The following KMT2C variants were observed in gnomAD, a reference collection of about 807,000 sequenced individuals.
KMT2C encodes the protein histone-lysine N-methyltransferase 2C.
A neutral mutation model predicts 507.9 loss-of-function variants in KMT2C; 88 were observed. The observed-to-expected ratio is 0.17, with a 90% CI of 0.15 to 0.21. The LOEUF is 0.21. Among genes scored for constraint, KMT2C ranks in the 10% least tolerant of loss-of-function variants. KMT2C has a pLI of 1.00. For synonymous variants in KMT2C, 2,049 were observed against 2,080.8 expected (o/e 0.98, Z 0.42); for missense variants, 4,954 against 5,957.8 (o/e 0.83, Z 5.55).
chr7:152,135,099 T>A lies in KMT2C; in HGVS notation c.*1733A>T, dbSNP rs896605459. 5.3e-5 allele frequency: 12 copies of A among 227,574 alleles called. No homozygotes were observed. The highest frequency in any genetic ancestry group is 8.7e-5 in the Non-Finnish European group (10 of 114,456). 14.1% of individuals were successfully genotyped at this position (227,574 alleles called of 1,614,324 possible). A position where few individuals can be genotyped will look rare whatever the true frequency, so the allele number is the denominator to read the frequency against. On this transcript the variant is annotated 3_prime_UTR_variant, in exon 59 of 59. Transcript: ENST00000262189. ...CGGTAGGACAAATACTGGTAGGATG[T>A]CAGGATATTGTACAAGAGAAGAAAA...
intron 56 of KMT2C, 104 bp downstream of exon 56, chr7:152,139,571 G>A: frequency 1.3e-6 from 1 of 783,820 alleles, no homozygotes; most frequent in Non-Finnish European, 2.2e-6. Flanking sequence ...AAAGCTGAAT[G>A]CAGCATGACA....
At position 152,248,370 on chromosome 7, in the gene KMT2C, G is replaced by A. The variant is rs1478270368; in HGVS notation, c.2064C>T (p.Val688=). ...CTAGTGGAAGAGTGACAGATTCCAT[G>A]ACTAATTTTGGAGGCCTTGATTCTT... ...SREESRPPKL[V]MESVTLPLET... Residue 688 remains valine, a synonymous_variant, in exon 14 of 59, where the codon GTC becomes GTT. Coordinates refer to ENST00000262189, the MANE Select transcript of KMT2C (RefSeq NM_170606.3). The A allele has an allele frequency of 6.2e-7, 1 of 1,613,974 alleles. No individual in the cohort carries two copies. Among genetic ancestry groups the A allele is most frequent in the Admixed American group, 1.7e-5 (1 of 60,000 alleles).
chr7:152,326,245 A>G (rs2129209066), intron 3 of KMT2C, among the ~76,000 whole-genome samples: 1 of 152,306 alleles, frequency 6.6e-6, no homozygotes, highest in Non-Finnish European at 1.5e-5. Flanking sequence ...AATTTTTATT[A>G]GAATTTTCTT....
chr7:152,181,957 T>C lies in KMT2C; in HGVS notation c.5903A>G (p.Asp1968Gly), dbSNP rs587778493. 1.5e-5 allele frequency: 24 copies of C among 1,614,190 alleles called. No homozygotes were observed. The highest frequency in any genetic ancestry group is 1.6e-5 in the Non-Finnish European group (19 of 1,180,030). ...ATCTGTCATCACAGGCCTAGGTGTG[T>C]CTGGAGGTTTTGCATAGGGGTCATT... ...TNNDPYAKPP[D>G]TPRPVMTDQF... The change falls in exon 36 of 59, where the codon GAC becomes GGC. Residue 1968 changes from aspartate to glycine, a missense_variant. Physicochemically the swap from Asp to Gly is moderately conservative, Grantham distance 94 (BLOSUM62 -1). This residue lies in a region of KMT2C where 1,689 missense variants were observed against 1,654.3 expected (regional missense o/e 1.02). Coordinates refer to ENST00000262189, the MANE Select transcript of KMT2C (RefSeq NM_170606.3).
chr7:152,364,333 T>C (rs1368542688), intron 1 of KMT2C, among the ~76,000 whole-genome samples: 1 of 152,040 alleles, frequency 6.6e-6, no homozygotes, highest in African/African-American at 2.4e-5. Flanking sequence ...TCAGGCCGGG[T>C]GTGGTGGCTC....
intron 2 of KMT2C, among the ~76,000 whole-genome samples, chr7:152,350,996 T>C (rs1325710923): frequency 6.6e-6 from 1 of 152,210 alleles, no homozygotes; most frequent in Non-Finnish European, 1.5e-5. Flanking sequence ...AGCCCAGGCC[T>C]ACACGAAGTC....
intron 6 of KMT2C, among the ~76,000 whole-genome samples, chr7:152,300,842 G>A (rs1027446157): frequency 6.6e-6 from 1 of 151,788 alleles, no homozygotes; most frequent in Non-Finnish European, 1.5e-5. Flanking sequence ...GGTGGATCAC[G>A]AGGTCAAGAG....
intron 3 of KMT2C, among the ~76,000 whole-genome samples, chr7:152,325,730 G>A (rs2096822377): frequency 6.6e-6 from 1 of 152,142 alleles, no homozygotes; most frequent in South Asian, 2.1e-4. Context: ...ATAGGCATGA[G>A]CCACTGTGCC....
intron 36 of KMT2C, 147 bp downstream of exon 36, chr7:152,180,564 A>G: frequency 1.6e-6 from 1 of 630,090 alleles, no homozygotes; most frequent in Non-Finnish European, 2.6e-6. Context: ...AATTTCATCA[A>G]TTTCATTTTT....
At chr7:152,218,210 G>A (rs1200035670) in intron 23 of KMT2C, among the ~76,000 whole-genome samples, 2 of 151,990 alleles carry the variant, frequency 1.3e-5, no homozygotes, top group Non-Finnish European at 2.9e-5. Context: ...CTGTCACCAG[G>A]CTGGAGTGCA....
intron 7 of KMT2C, among the ~76,000 whole-genome samples, chr7:152,271,541 T>C (rs1265206973): frequency 6.6e-6 from 1 of 151,702 alleles, no homozygotes; most frequent in Non-Finnish European, 1.5e-5. Flanking sequence ...GGTGTGATGG[T>C]ATGCGCCTGT....
intron 24 of KMT2C, among the ~76,000 whole-genome samples, chr7:152,205,988 T>A (rs71541742): frequency 2.6e-5 from 4 of 152,162 alleles, no homozygotes; most frequent in Non-Finnish European, 5.9e-5. Flanking sequence ...CATTTATACA[T>A]GGGACACATA....
chr7:152,407,691 C>A (rs2747132), intron 1 of KMT2C, among the ~76,000 whole-genome samples: 2 of 128,798 alleles, frequency 1.6e-5, no homozygotes, highest in Admixed American at 7.9e-5. Flanking sequence ...AAAAAGGTAG[C>A]AAAGGAAAAA....
In KMT2C at chr7:152,214,544, CT is replaced by C. The variant is rs111689728; in HGVS notation, c.3712+5978del. ...TGAAAAAAAAATCAGTTTTGTCATACTTTTTTCCCCCTCTTAACCACAGTTT... is the reference window on the plus strand; with the variant it reads ...TGAAAAAAAAATCAGTTTTGTCATACTTTTTCCCCCTCTTAACCACAGTTT... On this transcript the variant is annotated intron_variant, in intron 23 of 58. Coordinates refer to ENST00000262189, the MANE Select transcript of KMT2C (RefSeq NM_170606.3). 9.5e-3 allele frequency among the ~76,000 whole-genome samples: 1,442 copies of C among 152,190 alleles called. 26 individuals are homozygous for C. Among genetic ancestry groups the C allele is most frequent in the African/African-American group, 0.033 (1,387 of 41,516 alleles).
chr7:152,228,370 T>G (rs1176857649), intron 18 of KMT2C, among the ~76,000 whole-genome samples: 1 of 152,208 alleles, frequency 6.6e-6, no homozygotes, highest in African/African-American at 2.4e-5. Flanking sequence ...GGTATCAAAC[T>G]TATCCACAAA....
intron 6 of KMT2C, among the ~76,000 whole-genome samples, chr7:152,296,199 C>G (rs937556970): frequency 6.6e-6 from 1 of 151,394 alleles, no homozygotes; most frequent in African/African-American, 2.4e-5. Flanking sequence ...GAGGCTGAGG[C>G]GGGCGGGTCA....
intron 26 of KMT2C, among the ~76,000 whole-genome samples, chr7:152,201,617 GAAAAAAAAA>G (rs745427209): frequency 0.26 from 5,941 of 23,064 alleles, 323 homozygotes; most frequent in East Asian, 0.47. Context: ...CAACAAAGAT[GAAAAAAAAA>G]AAAAAAAAAA....
At chr7:152,293,159 A>C (rs181463074) in intron 6 of KMT2C, among the ~76,000 whole-genome samples, 1 of 152,296 alleles carries the variant, frequency 6.6e-6, no homozygotes, top group Admixed American at 6.5e-5. Flanking sequence ...ACCTACCAAC[A>C]ATCTAAAATA....
chr7:152,187,363 G>T lies in KMT2C; in HGVS notation c.4907C>A (p.Thr1636Lys), dbSNP rs773744238. ...AGCCTCCTCTTTCTCCCACTTAAGC[G>T]TGCTTCTCTGGGCATTCGACATTGT... ...NDTMSNAQRS[T>K]LKWEKEEALG... The change falls in exon 33 of 59, where the codon ACG (threonine) becomes AAG (lysine). Residue 1636 changes from threonine (T) to lysine (K), a missense_variant. Around this residue, in one of 29 missense-constraint regions of KMT2C, gnomAD observed 195 missense variants for 183.7 expected, o/e 1.06. Coordinates refer to ENST00000262189, the MANE Select transcript of KMT2C (RefSeq NM_170606.3). The T allele has an allele frequency of 1.9e-6, 3 of 1,613,992 alleles. No homozygotes were observed. Among genetic ancestry groups the T allele is most frequent in the Non-Finnish European group, 2.5e-6 (3 of 1,179,900 alleles).
Sources: allele counts gnomAD v4.1 joint callset (sites outside exome capture counted in the v4.1 genomes callset), GRCh38; gene constraint gnomAD v4.1.1; regional missense constraint gnomAD v4.1.1; transcripts MANE v1.5; gene names NCBI Gene and HGNC (gene_info 2026-07-23, HGNC 2026-07-21).